Variants in SEMA6D observed in about 807,000 individuals in gnomAD.
SEMA6D encodes the protein semaphorin 6D.
Under a neutral mutation model 106.6 loss-of-function variants are expected in SEMA6D, and 35 were observed. The observed-to-expected ratio is 0.33, with a 90% CI of 0.25 to 0.44. SEMA6D has a LOEUF of 0.44. Among genes scored for constraint, SEMA6D ranks in the 20% least tolerant of loss-of-function variants. The pLI is 1.00. For synonymous variants in SEMA6D, 499 were observed against 487.7 expected (o/e 1.02, Z -0.31); for missense variants, 1,185 against 1,345.9 (o/e 0.88, Z 1.87).
At chr15:47,478,971 C>T (rs190974850) in intron 3 of SEMA6D, among the ~76,000 whole-genome samples, 21 of 152,048 alleles carry the variant, frequency 1.4e-4, no homozygotes, top group East Asian at 5.8e-4. Flanking sequence ...TTCACTCTCC[C>T]GAGAACAGCA....
chr15:47,650,175 A>G (rs1027416009), intron 4 of SEMA6D, among the ~76,000 whole-genome samples: 2 of 152,334 alleles, frequency 1.3e-5, no homozygotes, highest in Middle Eastern at 3.4e-3. Context: ...GTGCAAAGTT[A>G]CATTGCTAGT....
intron 1 of SEMA6D, among the ~76,000 whole-genome samples, chr15:47,195,434 CAG>C (rs1217806240): frequency 6.6e-6 from 1 of 152,176 alleles, no homozygotes; most frequent in East Asian, 1.9e-4. Flanking sequence ...TATACTATCA[CAG>C]CTCTTTGACA....
At chr15:47,705,559 G>T (rs1468944739) in intron 4 of SEMA6D, among the ~76,000 whole-genome samples, 1 of 151,994 alleles carries the variant, frequency 6.6e-6, no homozygotes, top group Non-Finnish European at 1.5e-5. Flanking sequence ...ATAATTTTTG[G>T]CAGTGGGATC....
At chr15:47,327,596 TTATAAG>T (rs1329865996) in intron 1 of SEMA6D, among the ~76,000 whole-genome samples, 1 of 152,244 alleles carries the variant, frequency 6.6e-6, no homozygotes, top group East Asian at 1.9e-4. Flanking sequence ...GACTTGGGAC[TTATAAG>T]TAGAAAATAT....
At chr15:47,527,226 A>G (rs1701666563) in intron 3 of SEMA6D, among the ~76,000 whole-genome samples, 1 of 152,224 alleles carries the variant, frequency 6.6e-6, no homozygotes, top group African/African-American at 2.4e-5. Context: ...AAGCAGCTCT[A>G]ATTTTGAAAG....
intron 4 of SEMA6D, among the ~76,000 whole-genome samples, chr15:47,670,744 A>G (rs2078120484): frequency 6.6e-6 from 1 of 152,152 alleles, no homozygotes; most frequent in Non-Finnish European, 1.5e-5. Flanking sequence ...CCTCATTTTT[A>G]AAGGGCTGCT....
chr15:47,431,355 C>T (rs1193794908), intron 2 of SEMA6D, among the ~76,000 whole-genome samples: 1 of 152,068 alleles, frequency 6.6e-6, no homozygotes, highest in Non-Finnish European at 1.5e-5. Context: ...ACAATTTGAG[C>T]ATAACACTGT....
chr15:47,315,856 A>G (rs1276997466), intron 1 of SEMA6D, among the ~76,000 whole-genome samples: 1 of 152,064 alleles, frequency 6.6e-6, no homozygotes, highest in East Asian at 1.9e-4. Flanking sequence ...GCTCATTTAA[A>G]TAGTATTGCA....
chr15:47,265,738 G>C (rs1319163291), intron 1 of SEMA6D, among the ~76,000 whole-genome samples: 6 of 151,768 alleles, frequency 4.0e-5, no homozygotes, highest in African/African-American at 1.5e-4. Flanking sequence ...TAGCCATTTG[G>C]GGTACCGATT....
chr15:47,369,863 G>A (rs942159552), intron 1 of SEMA6D, among the ~76,000 whole-genome samples: 3 of 152,186 alleles, frequency 2.0e-5, no homozygotes, highest in African/African-American at 7.2e-5. Context: ...AAAATAGCTT[G>A]TACTAATTGA....
At chr15:47,242,287 A>G (rs918256872) in intron 1 of SEMA6D, among the ~76,000 whole-genome samples, 1 of 152,076 alleles carries the variant, frequency 6.6e-6, no homozygotes, top group Non-Finnish European at 1.5e-5. Context: ...ATATTTTTTT[A>G]AAAACATGCA....
At chr15:47,680,886 G>C (rs938743076) in intron 4 of SEMA6D, among the ~76,000 whole-genome samples, 1 of 152,128 alleles carries the variant, frequency 6.6e-6, no homozygotes, top group Non-Finnish European at 1.5e-5. Context: ...AAATCACAAT[G>C]AGGTATCACC....
intron 1 of SEMA6D, among the ~76,000 whole-genome samples, chr15:47,322,303 T>C (rs935425969): frequency 6.6e-6 from 1 of 151,626 alleles, no homozygotes; most frequent in South Asian, 2.1e-4. Flanking sequence ...TTGCCTAATG[T>C]CATTTTTCAA....
At chr15:47,519,312 TACG>T (rs1345831334) in intron 3 of SEMA6D, among the ~76,000 whole-genome samples, 2 of 152,204 alleles carry the variant, frequency 1.3e-5, no homozygotes, top group Admixed American at 1.3e-4. Flanking sequence ...TGCGTTGCAA[TACG>T]ACATTTTGAT....
intron 1 of SEMA6D, among the ~76,000 whole-genome samples, chr15:47,331,331 C>CA (rs1187491000): frequency 1.3e-5 from 2 of 151,886 alleles, no homozygotes; most frequent in Non-Finnish European, 2.9e-5. Context: ...GATATATATG[C>CA]AAAGATATAT....
At chr15:47,423,098 A>G (rs1435955280) in intron 2 of SEMA6D, among the ~76,000 whole-genome samples, 1 of 151,852 alleles carries the variant, frequency 6.6e-6, no homozygotes, top group East Asian at 1.9e-4. Context: ...CTTCCGAATG[A>G]CTCTGAGTCA....
chr15:47,352,303 A>C (rs1346678221), intron 1 of SEMA6D, among the ~76,000 whole-genome samples: 1 of 152,220 alleles, frequency 6.6e-6, no homozygotes, highest in Non-Finnish European at 1.5e-5. Context: ...CATTGAATTG[A>C]CAAAGACTCA....
intron 4 of SEMA6D, among the ~76,000 whole-genome samples, chr15:47,653,869 G>A (rs997354924): frequency 2.6e-5 from 4 of 152,168 alleles, no homozygotes; most frequent in Admixed American, 6.5e-5. Flanking sequence ...GGCCCTTGCC[G>A]TCATTCATTT....
At chr15:47,244,670 A>C (rs1049125151) in intron 1 of SEMA6D, among the ~76,000 whole-genome samples, 1 of 152,122 alleles carries the variant, frequency 6.6e-6, no homozygotes, top group Non-Finnish European at 1.5e-5. Flanking sequence ...CTGCCTGCCT[A>C]CCTGCCACAG....
Sources: gnomAD v4.1 joint callset for allele counts (sites outside exome capture counted in the v4.1 genomes callset) on GRCh38, gnomAD v4.1.1 for gene constraint, MANE v1.5 for transcripts, NCBI Gene and HGNC (gene_info 2026-07-23, HGNC 2026-07-21) for gene names.